The following CSMD1 variants were observed in gnomAD, a reference collection of about 807,000 sequenced individuals.
CSMD1 encodes the protein CUB and sushi domain-containing protein 1.
In CSMD1, 213 loss-of-function variants were observed where a neutral mutation model predicts 417.5. The observed-to-expected ratio is 0.51, with a 90% CI of 0.46 to 0.57. The LOEUF (loss-of-function observed/expected upper bound fraction) is 0.57. CSMD1 is among the 20% of genes least tolerant of loss of function. The pLI is 0.00. For missense variants in CSMD1, 6,923 were observed against 4,529.7 expected, an observed-to-expected ratio of 1.53 and a Z score of -15.17; for synonymous variants, 2,862 against 1,736.8, an observed-to-expected ratio of 1.65 and a Z score of -16.11.
intron 3 of CSMD1, among the ~76,000 whole-genome samples, chr8:4,157,974 G>C (rs763512130): frequency 1.1e-4 from 17 of 152,154 alleles, no homozygotes; most frequent in South Asian, 4.1e-4. Flanking sequence ...TGCCGAGATT[G>C]GCCAACTGTT....
intron 1 of CSMD1, among the ~76,000 whole-genome samples, chr8:4,809,354 A>G (rs1208498514): frequency 6.6e-6 from 1 of 152,240 alleles, no homozygotes; most frequent in Non-Finnish European, 1.5e-5. Context: ...ATGGGATGAA[A>G]CAACTGCTTC....
chr8:4,392,751 C>A (rs568003401), intron 3 of CSMD1, among the ~76,000 whole-genome samples: 1 of 151,348 alleles, frequency 6.6e-6, no homozygotes, highest in African/African-American at 2.4e-5. Flanking sequence ...GGGCGGATCA[C>A]GAGGTCAAGA....
At chr8:4,735,555 C>G (rs891241002) in intron 1 of CSMD1, among the ~76,000 whole-genome samples, 2 of 152,126 alleles carry the variant, frequency 1.3e-5, no homozygotes, top group Non-Finnish European at 2.9e-5. Context: ...GGTCTCTTCC[C>G]TAGAAGCCCA....
chr8:4,369,312 T>G (rs969712945), intron 3 of CSMD1, among the ~76,000 whole-genome samples: 25 of 152,186 alleles, frequency 1.6e-4, no homozygotes, highest in African/African-American at 6.0e-4. Context: ...TTGTGGTTGT[T>G]ATGAATTGAA....
chr8:2,997,051 A>C (rs1210409189), intron 54 of CSMD1, among the ~76,000 whole-genome samples: 1 of 152,184 alleles, frequency 6.6e-6, no homozygotes, highest in Non-Finnish European at 1.5e-5. Flanking sequence ...CGGCGGAGGC[A>C]GGGGCACTGG....
chr8:3,685,929 T>C (rs1799922464), intron 7 of CSMD1, among the ~76,000 whole-genome samples: 1 of 152,102 alleles, frequency 6.6e-6, no homozygotes, highest in Non-Finnish European at 1.5e-5. Flanking sequence ...CTTTTAGTTA[T>C]TTTTAAAAGT....
chr8:3,536,680 G>A (rs898203016), intron 10 of CSMD1, among the ~76,000 whole-genome samples: 1 of 152,140 alleles, frequency 6.6e-6, no homozygotes, highest in African/African-American at 2.4e-5. Flanking sequence ...TAGGCACAGA[G>A]CAATAGGATC....
intron 3 of CSMD1, among the ~76,000 whole-genome samples, chr8:4,284,267 C>G (rs770754629): frequency 6.6e-6 from 1 of 152,074 alleles, no homozygotes; most frequent in Admixed American, 6.6e-5. Flanking sequence ...GCTCGCGAGG[C>G]TGAGACACAA....
At chr8:4,557,120 T>C (rs1180499982) in intron 2 of CSMD1, among the ~76,000 whole-genome samples, 1 of 152,212 alleles carries the variant, frequency 6.6e-6, no homozygotes, top group East Asian at 1.9e-4. Flanking sequence ...TGCCATATCC[T>C]GGGTGATTTG....
chr8:3,835,111 C>G (rs575842641), intron 5 of CSMD1, among the ~76,000 whole-genome samples: 3 of 148,608 alleles, frequency 2.0e-5, no homozygotes, highest in African/African-American at 7.6e-5. Context: ...CACTTTTACA[C>G]TGTTGGTGGG....
intron 5 of CSMD1, among the ~76,000 whole-genome samples, chr8:3,871,049 G>GT (rs1805451790): frequency 6.6e-6 from 1 of 151,636 alleles, no homozygotes; most frequent in Non-Finnish European, 1.5e-5. Context: ...CCATCTTTGT[G>GT]TATTATTCCA....
At chr8:3,032,039 G>C (rs1810376294) in intron 50 of CSMD1, among the ~76,000 whole-genome samples, 1 of 150,844 alleles carries the variant, frequency 6.6e-6, no homozygotes, top group African/African-American at 2.4e-5. Context: ...AGCCTGCCAA[G>C]AAAATACATT....
intron 25 of CSMD1, among the ~76,000 whole-genome samples, chr8:3,292,452 G>C (rs556744790): frequency 1.3e-5 from 2 of 152,114 alleles, no homozygotes; most frequent in African/African-American, 4.8e-5. Context: ...TTATTATTGT[G>C]TGGGTGTCTG....
intron 18 of CSMD1, among the ~76,000 whole-genome samples, chr8:3,375,509 C>T (rs940017716): frequency 6.6e-6 from 1 of 152,074 alleles, no homozygotes; most frequent in Non-Finnish European, 1.5e-5. Flanking sequence ...TCTCCATGCC[C>T]TACAGAAGTC....
intron 50 of CSMD1, among the ~76,000 whole-genome samples, chr8:3,040,387 A>AATATATATATATATAT (rs35722761): frequency 8.7e-4 from 120 of 137,512 alleles, no homozygotes; most frequent in Admixed American, 1.1e-3. Flanking sequence ...TACACATTGA[A>AATATATATATATATAT]ATATATATAT....
chr8:4,657,060 C>G, intron 1 of CSMD1, among the ~76,000 whole-genome samples: 1 of 152,118 alleles, frequency 6.6e-6, no homozygotes, highest in East Asian at 1.9e-4. Flanking sequence ...AGGCAAATAA[C>G]ACAGTGCCCA....
At chr8:3,842,402 G>A (rs544034067) in intron 5 of CSMD1, among the ~76,000 whole-genome samples, 5 of 152,204 alleles carry the variant, frequency 3.3e-5, no homozygotes, top group South Asian at 2.1e-4. Context: ...ACAGTTGGCT[G>A]TGCATGTCTT....
chr8:4,573,952 T>G (rs956372019), intron 2 of CSMD1, among the ~76,000 whole-genome samples: 2 of 152,138 alleles, frequency 1.3e-5, no homozygotes, highest in Non-Finnish European at 2.9e-5. Flanking sequence ...CAAGCCTCAG[T>G]AATGGCAGAC....
intron 12 of CSMD1, among the ~76,000 whole-genome samples, chr8:3,431,745 C>G (rs1012461361): frequency 6.6e-6 from 1 of 152,170 alleles, no homozygotes; most frequent in Non-Finnish European, 1.5e-5. Flanking sequence ...TTTGCTCTAT[C>G]TACAACGATA....
Sources: allele counts gnomAD v4.1 joint callset (sites outside exome capture counted in the v4.1 genomes callset), GRCh38; gene constraint gnomAD v4.1.1; transcripts MANE v1.5; gene names NCBI Gene and HGNC (gene_info 2026-07-23, HGNC 2026-07-21).